The following KCNIP4 variants were observed in gnomAD, a reference collection of about 807,000 sequenced individuals.
KCNIP4 encodes the protein potassium voltage-gated channel interacting protein 4.
In KCNIP4, 12 loss-of-function variants were observed where a neutral mutation model predicts 34.0. The ratio of observed to expected loss-of-function variants is 0.35; its 90% CI spans 0.23 to 0.57. The LOEUF is 0.57. KCNIP4 is among the 20% of genes least tolerant of loss of function. KCNIP4 has a pLI of 0.83. For synonymous variants in KCNIP4, 124 were observed against 102.2 expected (o/e 1.21, Z -1.29); for missense variants, 238 against 311.7 (o/e 0.76, Z 1.78).
chr4:20,954,938 C>T (rs1311862189), intron 1 of KCNIP4, among the ~76,000 whole-genome samples: 4 of 152,158 alleles, frequency 2.6e-5, no homozygotes, highest in Non-Finnish European at 5.9e-5. Flanking sequence ...CAGGGTCATC[C>T]TTTATTGCAG....
chr4:21,008,258 C>T (rs7685814), intron 1 of KCNIP4, among the ~76,000 whole-genome samples: 152,284 of 152,286 alleles, frequency 1, 76,141 homozygotes, highest in Non-Finnish European at 1. Context: ...GCTACCAAAC[C>T]GTCTCCCCAT....
At chr4:20,831,297 G>A (rs1007188254) in intron 3 of KCNIP4, among the ~76,000 whole-genome samples, 4 of 152,100 alleles carry the variant, frequency 2.6e-5, no homozygotes, top group African/African-American at 7.2e-5. Context: ...GTCCAGGGAG[G>A]CTTTTCAAGG....
intron 1 of KCNIP4, among the ~76,000 whole-genome samples, chr4:21,412,010 C>T (rs1382195325): frequency 1.3e-5 from 2 of 152,126 alleles, no homozygotes; most frequent in Non-Finnish European, 2.9e-5. Context: ...AAATTATCCC[C>T]ACGTATGGGG....
intron 1 of KCNIP4, among the ~76,000 whole-genome samples, chr4:21,398,818 G>T (rs144989532): frequency 5.3e-5 from 8 of 151,976 alleles, no homozygotes; most frequent in Admixed American, 4.6e-4. Flanking sequence ...CATTCATAGC[G>T]CTAGAGAATT....
chr4:21,085,257 T>C (rs1454813014), intron 1 of KCNIP4, among the ~76,000 whole-genome samples: 1 of 152,106 alleles, frequency 6.6e-6, no homozygotes. Context: ...CATATGAGGA[T>C]ACATGCAGCT....
chr4:21,815,574 C>T (rs1324591903), intron 1 of KCNIP4, among the ~76,000 whole-genome samples: 3 of 152,044 alleles, frequency 2.0e-5, no homozygotes, highest in African/African-American at 7.2e-5. Flanking sequence ...ACATTTATAG[C>T]ATAATTATTT....
At chr4:20,782,248 C>T (rs1003157445) in intron 3 of KCNIP4, among the ~76,000 whole-genome samples, 2 of 152,094 alleles carry the variant, frequency 1.3e-5, no homozygotes, top group Non-Finnish European at 1.5e-5. Context: ...TTTCCAGGTA[C>T]ATGGTGCCAG....
In KCNIP4 at chr4:21,804,889, C is replaced by CGCTAAGAACAAATTTATACAAA. The variant is rs571599373; in HGVS notation, c.61+143660_61+143681dup. On this transcript the variant is annotated intron_variant, in intron 1 of 8. Coordinates refer to ENST00000382152, the MANE Select transcript of KCNIP4 (RefSeq NM_025221.6). Reference sequence around the variant, plus strand: ...TATATTGAAACCTGAAATGTTAGAACGCTAAGAACAAATTTATACAAAGCT... The same window carrying CGCTAAGAACAAATTTATACAAA: ...TATATTGAAACCTGAAATGTTAGAACGCTAAGAACAAATTTATACAAAGCTAAGAACAAATTTATACAAAGCT... Among the ~76,000 whole-genome samples, 38 of 152,206 alleles carry CGCTAAGAACAAATTTATACAAA rather than the reference C, an allele frequency of 2.5e-4. No individual in the cohort carries two copies. In the South Asian group the frequency reaches 5.6e-3, roughly 22 times the overall value.
intron 1 of KCNIP4, among the ~76,000 whole-genome samples, chr4:20,968,427 G>A (rs1270596914): frequency 6.6e-6 from 1 of 152,040 alleles, no homozygotes; most frequent in Non-Finnish European, 1.5e-5. Context: ...CCATTACTAG[G>A]TATATACCCA....
intron 1 of KCNIP4, among the ~76,000 whole-genome samples, chr4:21,768,347 T>A (rs1019942881): frequency 1.3e-5 from 2 of 152,004 alleles, no homozygotes; most frequent in Non-Finnish European, 2.9e-5. Flanking sequence ...CCTGCAGGAG[T>A]GCTTTGCTTG....
chr4:20,866,504 A>G (rs10008231), intron 2 of KCNIP4, among the ~76,000 whole-genome samples: 72,766 of 151,840 alleles, frequency 0.48, 19,731 homozygotes, highest in African/African-American at 0.75. Flanking sequence ...TAAATAACAT[A>G]GCTCAAAATA....
intron 1 of KCNIP4, among the ~76,000 whole-genome samples, chr4:21,586,561 T>TA: frequency 6.6e-6 from 1 of 152,058 alleles, no homozygotes; most frequent in East Asian, 1.9e-4. Flanking sequence ...GGAACTGAAT[T>TA]AAAAGGTTCC....
At chr4:21,504,205 T>C (rs893957976) in intron 1 of KCNIP4, among the ~76,000 whole-genome samples, 4 of 152,074 alleles carry the variant, frequency 2.6e-5, no homozygotes, top group Non-Finnish European at 5.9e-5. Context: ...CAGTGGCTCA[T>C]GCCTGTAATC....
chr4:21,337,209 T>C (rs1216870926), intron 1 of KCNIP4, among the ~76,000 whole-genome samples: 1 of 152,160 alleles, frequency 6.6e-6, no homozygotes, highest in Non-Finnish European at 1.5e-5. Flanking sequence ...GCCAGTTATA[T>C]TGTGATTTTT....
chr4:20,882,451 C>G (rs1282829090), intron 2 of KCNIP4, among the ~76,000 whole-genome samples, 157 bp downstream of exon 2: 1 of 151,998 alleles, frequency 6.6e-6, no homozygotes, highest in Non-Finnish European at 1.5e-5. Flanking sequence ...TCCTAATTGC[C>G]CAAATGTTCT....
chr4:21,254,545 A>G (rs1025550830), intron 1 of KCNIP4, among the ~76,000 whole-genome samples: 4 of 152,158 alleles, frequency 2.6e-5, no homozygotes, highest in Non-Finnish European at 5.9e-5. Flanking sequence ...TTAATTGACA[A>G]ATAAAAATGC....
At chr4:21,596,150 G>C (rs1303356491) in intron 1 of KCNIP4, among the ~76,000 whole-genome samples, 2 of 152,052 alleles carry the variant, frequency 1.3e-5, no homozygotes, top group South Asian at 2.1e-4. Context: ...GTATCTCATA[G>C]AATTCCAAAC....
chr4:20,991,028 C>T (rs1235284612), intron 1 of KCNIP4, among the ~76,000 whole-genome samples: 1 of 152,130 alleles, frequency 6.6e-6, no homozygotes, highest in Admixed American at 6.5e-5. Flanking sequence ...TCATTAACCC[C>T]ATTATATAGA....
At chr4:21,553,637 C>G (rs1738759161) in intron 1 of KCNIP4, among the ~76,000 whole-genome samples, 1 of 152,030 alleles carries the variant, frequency 6.6e-6, no homozygotes, top group African/African-American at 2.4e-5. Context: ...CAGGATTATT[C>G]TGAGTTTTAA....
Sources: gnomAD v4.1 joint callset for allele counts (sites outside exome capture counted in the v4.1 genomes callset) on GRCh38, gnomAD v4.1.1 for gene constraint, MANE v1.5 for transcripts, NCBI Gene and HGNC (gene_info 2026-07-23, HGNC 2026-07-21) for gene names.